Variants in SKIC3 observed in about 807,000 individuals in gnomAD.
The protein encoded by SKIC3 is SKI3 subunit of superkiller complex, also known as superkiller complex protein 3.
chr5:95,484,625 G>A, the SKIC3 span: 1 of 1,541,376 alleles, frequency 6.5e-7, no homozygotes, highest in African/African-American at 1.4e-5. Flanking sequence ...AGGAATACAG[G>A]AGTGAGCCAC....
the SKIC3 span, among the ~76,000 whole-genome samples, chr5:95,491,814 C>T: frequency 2.6e-5 from 4 of 152,168 alleles, no homozygotes; most frequent in East Asian, 7.7e-4. Flanking sequence ...TTTACTTCAG[C>T]AAGTTAATAT....
chr5:95,554,661 G>C, the SKIC3 span, among the ~76,000 whole-genome samples: 23,411 of 152,124 alleles, frequency 0.15, 2,485 homozygotes, highest in African/African-American at 0.3. Flanking sequence ...AGACAGGCTA[G>C]AGATTTCCCT....
the SKIC3 span, chr5:95,516,907 A>C: frequency 5.1e-6 from 8 of 1,577,334 alleles, no homozygotes; most frequent in Non-Finnish European, 6.0e-6. Flanking sequence ...AAATTTATTT[A>C]TACCATACAT....
the SKIC3 span, among the ~76,000 whole-genome samples, chr5:95,499,573 T>G: frequency 2.0e-5 from 3 of 152,282 alleles, no homozygotes; most frequent in Admixed American, 1.3e-4. Flanking sequence ...TAAATTAGCT[T>G]CTTTGAGTTT....
chr5:95,522,138 G>A, the SKIC3 span: 1 of 1,613,794 alleles, frequency 6.2e-7, no homozygotes, highest in Non-Finnish European at 8.5e-7. Context: ...CCTAGGATTT[G>A]CTGTATTGCT....
At chr5:95,493,473 T>C in the SKIC3 span, among the ~76,000 whole-genome samples, 5 of 152,172 alleles carry the variant, frequency 3.3e-5, no homozygotes, top group Non-Finnish European at 7.4e-5. Context: ...AGTAAGTCTA[T>C]CTAATATCTG....
chr5:95,488,322 G>C, the SKIC3 span, among the ~76,000 whole-genome samples: 1 of 152,170 alleles, frequency 6.6e-6, no homozygotes, highest in Non-Finnish European at 1.5e-5. Flanking sequence ...CTGAAAACAT[G>C]AGGAGGCTTA....
At chr5:95,516,758 G>T in the SKIC3 span, 10 of 1,612,024 alleles carry the variant, frequency 6.2e-6, no homozygotes, top group African/African-American at 1.3e-5. Context: ...ACACTGAAAA[G>T]AAGTTAAATT....
At chr5:95,472,856 T>C in the SKIC3 span, among the ~76,000 whole-genome samples, 1 of 152,276 alleles carries the variant, frequency 6.6e-6, no homozygotes, top group Non-Finnish European at 1.5e-5. Context: ...AGAACATGCG[T>C]ATTTGATTTT....
chr5:95,518,519 A>ATT, the SKIC3 span, among the ~76,000 whole-genome samples: 21 of 149,508 alleles, frequency 1.4e-4, no homozygotes, highest in African/African-American at 3.9e-4. Context: ...TATGAGATCA[A>ATT]TTTTTTTTTT....
the SKIC3 span, chr5:95,509,604 C>T: frequency 6.2e-7 from 1 of 1,610,408 alleles, no homozygotes; most frequent in East Asian, 2.2e-5. Context: ...CTTTGGTATG[C>T]ATTTGCTGCT....
chr5:95,541,210 C>T, the SKIC3 span: 3 of 1,144,674 alleles, frequency 2.6e-6, no homozygotes, highest in South Asian at 1.2e-5. Flanking sequence ...AGGTGATCTG[C>T]CTGCCTCAGC....
At chr5:95,506,907 G>T in the SKIC3 span, 2 of 1,608,872 alleles carry the variant, frequency 1.2e-6, no homozygotes, top group Middle Eastern at 1.7e-4. Context: ...TCAATTGACA[G>T]AATTAATGGA....
chr5:95,539,806 T>C, the SKIC3 span, among the ~76,000 whole-genome samples: 1 of 141,658 alleles, frequency 7.1e-6, no homozygotes, highest in Non-Finnish European at 1.5e-5. Flanking sequence ...ATTGCACCAC[T>C]GCACTCCAGC....
chr5:95,499,419 C>T, the SKIC3 span, among the ~76,000 whole-genome samples: 3 of 152,118 alleles, frequency 2.0e-5, no homozygotes, highest in Admixed American at 6.5e-5. Flanking sequence ...TTCCTGAGGC[C>T]GCCCCAGAAG....
the SKIC3 span, among the ~76,000 whole-genome samples, chr5:95,471,629 C>A: frequency 6.6e-6 from 1 of 152,092 alleles, no homozygotes; most frequent in Non-Finnish European, 1.5e-5. Flanking sequence ...AGCTCCCAGG[C>A]TAGAGTATGG....
chr5:95,514,750 G>A, the SKIC3 span: 2 of 1,170,984 alleles, frequency 1.7e-6, no homozygotes, highest in Admixed American at 2.0e-5. Context: ...CTGGCACAAA[G>A]TAAGCCCTCA....
the SKIC3 span, chr5:95,522,287 G>A: frequency 6.2e-7 from 1 of 1,613,496 alleles, no homozygotes; most frequent in Non-Finnish European, 8.5e-7. Flanking sequence ...CTTTGGGTCT[G>A]CTCTTAATGC....
At chr5:95,542,025 A>G in the SKIC3 span, 2 of 710,962 alleles carry the variant, frequency 2.8e-6, no homozygotes, top group Non-Finnish European at 4.7e-6. Context: ...AAGGATTATT[A>G]TAATTTACAA....
Sources: gnomAD v4.1 joint callset for allele counts (sites outside exome capture counted in the v4.1 genomes callset) on GRCh38, gnomAD v4.1.1 for gene constraint, MANE v1.5 for transcripts, NCBI Gene and HGNC (gene_info 2026-07-23, HGNC 2026-07-21) for gene names.